The following TOR1AIP1 variants were observed in gnomAD, a reference collection of about 807,000 sequenced individuals.
The protein encoded by TOR1AIP1 is torsin-1A-interacting protein 1.
A neutral mutation model predicts 63.3 loss-of-function variants in TOR1AIP1; 54 were observed. The observed-to-expected ratio is 0.85, with a 90% CI of 0.69 to 1.07. The LOEUF is 1.07. TOR1AIP1 is among the 50% of genes least tolerant of loss of function. The pLI, the probability that TOR1AIP1 is intolerant of heterozygous loss-of-function variation, is 0.00. For synonymous variants in TOR1AIP1, 294 were observed against 273.5 expected, an observed-to-expected ratio of 1.07 and a Z score of -0.74; for missense variants, 736 against 715.0, an observed-to-expected ratio of 1.03 and a Z score of -0.33.
Position 179,907,834 on chromosome 1 carries a change from A to G in TOR1AIP1, c.808A>G (p.Thr270Ala), listed in dbSNP as rs780046037. 7.6e-5 allele frequency: 121 copies of G among 1,592,160 alleles called. No homozygotes were observed. The highest frequency in any genetic ancestry group is 1.6e-4 in the Admixed American group (9 of 57,716). Reference sequence around the variant, plus strand: ...GTTTTCTGTTTCAGGTCAAAACTTCACAGCTCATGATAAGCAACCTTCAGT... The same window carrying G: ...GTTTTCTGTTTCAGGTCAAAACTTCGCAGCTCATGATAAGCAACCTTCAGT... ...FWQSSQSQNF[T>A]AHDKQPSVLS... The change falls in exon 7 of 10, where the codon ACA becomes GCA. Residue 270 changes from threonine to alanine, a missense_variant. Thr to Ala is a moderately conservative substitution (Grantham distance 58, BLOSUM62 0). Transcript: ENST00000606911.
At chr1:179,898,304 A>C (rs900324532) in intron 3 of TOR1AIP1, among the ~76,000 whole-genome samples, 4 of 152,160 alleles carry the variant, frequency 2.6e-5, no homozygotes, top group African/African-American at 9.7e-5. Flanking sequence ...ATGAGATGGG[A>C]ATCAGATGAC....
At chr1:179,889,152 A>G (rs1038293345) in intron 2 of TOR1AIP1, among the ~76,000 whole-genome samples, 161 bp from the exon 3 acceptor site, 10 of 152,244 alleles carry the variant, frequency 6.6e-5, no homozygotes, top group African/African-American at 2.4e-4. Context: ...TATCATCACT[A>G]GTTCGCAACA....
At chr1:179,897,127 G>T (rs1212283739) in intron 3 of TOR1AIP1, among the ~76,000 whole-genome samples, 1 of 152,018 alleles carries the variant, frequency 6.6e-6, no homozygotes, top group African/African-American at 2.4e-5. Flanking sequence ...AATATTTATT[G>T]TTAGGAACAT....
chr1:179,901,563 G>A (rs911085630), intron 5 of TOR1AIP1, among the ~76,000 whole-genome samples, 175 bp downstream of exon 5: 1 of 152,020 alleles, frequency 6.6e-6, no homozygotes, highest in African/African-American at 2.4e-5. Flanking sequence ...TTAATACTAT[G>A]TCATGATATC....
At chr1:179,898,871 A>G (rs1270721486) in intron 3 of TOR1AIP1, among the ~76,000 whole-genome samples, 6 of 152,024 alleles carry the variant, frequency 3.9e-5, no homozygotes, top group African/African-American at 1.2e-4. Context: ...TAAGAGTAAC[A>G]TGGTGTTATC....
intron 9 of TOR1AIP1, among the ~76,000 whole-genome samples, chr1:179,915,250 A>C (rs372540534): frequency 2.0e-5 from 3 of 152,350 alleles, no homozygotes; most frequent in African/African-American, 7.2e-5. Flanking sequence ...GTTACTTGAA[A>C]TAGGATATCT....
At chr1:179,899,706 G>A (rs1346808784) in intron 3 of TOR1AIP1, among the ~76,000 whole-genome samples, 3 of 152,060 alleles carry the variant, frequency 2.0e-5, no homozygotes, top group Non-Finnish European at 2.9e-5. Flanking sequence ...ATACAGTGGC[G>A]CGATCTCGGC....
Position 179,882,779 on chromosome 1 carries a change from G to C in TOR1AIP1, c.277G>C (p.Asp93His), listed in dbSNP as rs1647760548. The change falls in exon 1 of 10, where the codon GAT (aspartate) becomes CAT (histidine). Residue 93 changes from aspartate (D) to histidine (H), a missense_variant. By Grantham distance (81) the Asp-to-His change is moderately conservative. Coordinates refer to ENST00000606911, the MANE Select transcript of TOR1AIP1 (RefSeq NM_015602.4). The part of the protein sequence containing the change: ...KRTRLEEFRS[D>H]SAKEEVRESA... The stretch of plus-strand genomic sequence containing the variant: ...AACCCGGCTAGAAGAGTTCCGGTCC[G>C]ATTCTGCGAAAGAGGAAGTGAGAGA... 1.2e-6 allele frequency: 2 copies of C among 1,614,208 alleles called. No individual in the cohort carries two copies. Among genetic ancestry groups the C allele is most frequent in the African/African-American group, 1.3e-5 (1 of 75,046 alleles).
intron 8 of TOR1AIP1, among the ~76,000 whole-genome samples, chr1:179,911,792 T>C (rs1400897865): frequency 6.6e-6 from 1 of 152,148 alleles, no homozygotes; most frequent in Non-Finnish European, 1.5e-5. Context: ...AATGAGCTTA[T>C]ATGTGTAAAC....
At position 179,889,391 on chromosome 1, in the gene TOR1AIP1, G is replaced by T. The variant is rs747313643; in HGVS notation, c.610+22G>T. The T allele has an allele frequency of 1.1e-5, 18 of 1,586,126 alleles. 1 individual carries two copies. The South Asian group carries it at 1.8e-4, about 16-fold the overall frequency. On this transcript the variant is annotated intron_variant, in intron 3 of 9. Transcript: ENST00000606911. ...TATGGTAAGAGATTGTTTGTCTGTT[G>T]GTTTACCTTTGTTATAAATACAGTT...
intron 5 of TOR1AIP1, among the ~76,000 whole-genome samples, chr1:179,903,658 G>A (rs549830833): frequency 3.3e-5 from 5 of 152,038 alleles, no homozygotes; most frequent in Admixed American, 1.3e-4. Flanking sequence ...ACAGGCACGC[G>A]CCACCACGCC....
At chr1:179,910,450 T>A (rs981323761) in intron 8 of TOR1AIP1, among the ~76,000 whole-genome samples, 1 of 152,202 alleles carries the variant, frequency 6.6e-6, no homozygotes, top group African/African-American at 2.4e-5. Context: ...AGCAGTGACG[T>A]TTTTAGCCCA....
In TOR1AIP1 at chr1:179,907,875, G is replaced by T. The variant is rs765739716; in HGVS notation, c.838+11G>T. The T allele has an allele frequency of 6.6e-7, 1 of 1,508,564 alleles. No individual in the cohort carries two copies. The highest frequency in any genetic ancestry group is 9.0e-7 in the Non-Finnish European group (1 of 1,113,966). The allele number at this position is 1,508,564 out of a possible 1,614,324, so 93.4% of individuals were successfully genotyped here. A position where few individuals can be genotyped will look rare whatever the true frequency, so the allele number is the denominator to read the frequency against. Reference sequence around the variant, plus strand: ...AACCTTCAGTGCTAAGTAAGTAGTTGGTTGTCTGCTCTTTTTTCAGCCAAT... The same window carrying T: ...AACCTTCAGTGCTAAGTAAGTAGTTTGTTGTCTGCTCTTTTTTCAGCCAAT... On this transcript the variant is annotated intron_variant, in intron 7 of 9. Coordinates refer to ENST00000606911, the MANE Select transcript of TOR1AIP1 (RefSeq NM_015602.4).
At chr1:179,913,550 A>G (rs1648902035) in intron 8 of TOR1AIP1, 1 of 702,236 alleles carries the variant, frequency 1.4e-6, no homozygotes, top group Non-Finnish European at 2.6e-6. Flanking sequence ...GTAGTCTGTA[A>G]TCCACATTTT....
chr1:179,883,784 T>A, intron 1 of TOR1AIP1: 1 of 425,158 alleles, frequency 2.4e-6, no homozygotes, highest in Non-Finnish European at 4.8e-6. Context: ...GTTAGGTAAG[T>A]CATAGGTGAA....
At position 179,882,798 on chromosome 1, in the gene TOR1AIP1, T is replaced by C. The variant is rs1571719094; in HGVS notation, c.296T>C (p.Val99Ala). Reference sequence around the variant, plus strand: ...CGGTCCGATTCTGCGAAAGAGGAAGTGAGAGAAAGCGCGTACTACCTTCGG... The same window carrying C: ...CGGTCCGATTCTGCGAAAGAGGAAGCGAGAGAAAGCGCGTACTACCTTCGG... The part of the protein sequence containing the change: ...EFRSDSAKEE[V>A]RESAYYLRSR... Residue 99 changes from valine to alanine, a missense_variant, in exon 1 of 10, where the codon GTG (valine) becomes GCG (alanine). This residue lies in a region of TOR1AIP1 where 464 missense variants were observed against 371.0 expected (regional missense o/e 1.25). Coordinates refer to ENST00000606911, the MANE Select transcript of TOR1AIP1 (RefSeq NM_015602.4). 4.3e-6 allele frequency: 7 copies of C among 1,613,694 alleles called. No homozygotes were observed. The highest frequency in any genetic ancestry group is 5.9e-6 in the Non-Finnish European group (7 of 1,179,942).
intron 8 of TOR1AIP1, among the ~76,000 whole-genome samples, chr1:179,911,571 C>A (rs1423494820): frequency 6.6e-6 from 1 of 152,184 alleles, no homozygotes; most frequent in Non-Finnish European, 1.5e-5. Flanking sequence ...AATATATGTG[C>A]ATGGAGAGGT....
chr1:179,887,287 T>A (rs1647937215), intron 2 of TOR1AIP1, among the ~76,000 whole-genome samples: 1 of 152,058 alleles, frequency 6.6e-6, no homozygotes, highest in Non-Finnish European at 1.5e-5. Flanking sequence ...TAATCCCAGC[T>A]ACTCGGGAGG....
In TOR1AIP1 at chr1:179,892,337, G is replaced by A. The variant is rs552692446; in HGVS notation, c.610+2968G>A. Among the ~76,000 whole-genome samples, 145 of 22,498 alleles carry A rather than the reference G, an allele frequency of 6.4e-3. 2 individuals are homozygous for A. The highest frequency in any genetic ancestry group is 0.014 in the African/African-American group (141 of 10,196). The allele number at this position is 22,498 out of a possible 152,430, so 14.8% of individuals were successfully genotyped here. ...AAGTACAAAATTAGCCAGGCGTGGT[G>A]GTGCTGTGCACTGTAACCCCAGCTG... On this transcript the variant is annotated intron_variant, in intron 3 of 9. Transcript: ENST00000606911.
Sources: allele counts gnomAD v4.1 joint callset (sites outside exome capture counted in the v4.1 genomes callset), GRCh38; gene constraint gnomAD v4.1.1; regional missense constraint gnomAD v4.1.1; transcripts MANE v1.5; gene names NCBI Gene and HGNC (gene_info 2026-07-23, HGNC 2026-07-21).